HMCN1: variants seen among roughly 807,000 people sequenced by gnomAD.
The protein encoded by HMCN1 is hemicentin 1.
In HMCN1, 321 loss-of-function variants were observed where a neutral mutation model predicts 625.9. The observed-to-expected ratio is 0.51, with a 90% CI of 0.47 to 0.56. The LOEUF (loss-of-function observed/expected upper bound fraction) is 0.56. Ranked by LOEUF, HMCN1 falls within the 20% of genes least tolerant of loss-of-function variation. The pLI, the probability that HMCN1 is intolerant of heterozygous loss-of-function variation, is 0.00. For synonymous variants in HMCN1, 2,425 were observed against 2,417.6 expected, an observed-to-expected ratio of 1.00 and a Z score of -0.09; for missense variants, 6,588 against 6,887.3, an observed-to-expected ratio of 0.96 and a Z score of 1.54.
In HMCN1 at chr1:185,847,998, A is replaced by G. The variant is rs184911900; in HGVS notation, c.339+1902A>G. Among the ~76,000 whole-genome samples, 161 of 152,304 alleles carry G rather than the reference A, an allele frequency of 1.1e-3. 2 individuals are homozygous for G. Among genetic ancestry groups the G allele is most frequent in the African/African-American group, 3.7e-3 (155 of 41,566 alleles). ...AGTTTTCATTGTTTTTTAAATATGT[A>G]TGTTCAAGTCTCAAAAACATACAAA... On this transcript the variant is annotated intron_variant, in intron 2 of 106. Transcript: ENST00000271588.
At chr1:186,140,663 G>A (rs1649900413) in intron 89 of HMCN1, among the ~76,000 whole-genome samples, 1 of 152,074 alleles carries the variant, frequency 6.6e-6, no homozygotes, top group African/African-American at 2.4e-5. Context: ...ACTAGTTTTA[G>A]CATCCATTTC....
At chr1:185,938,755 G>A (rs1667941018) in intron 11 of HMCN1, among the ~76,000 whole-genome samples, 1 of 152,052 alleles carries the variant, frequency 6.6e-6, no homozygotes, top group African/African-American at 2.4e-5. Flanking sequence ...CAGCGGTCTA[G>A]CCATACCATT....
At chr1:185,952,473 C>G (rs1013579901) in intron 11 of HMCN1, among the ~76,000 whole-genome samples, 2 of 151,526 alleles carry the variant, frequency 1.3e-5, no homozygotes, top group Non-Finnish European at 2.9e-5. Flanking sequence ...AGATTTGGGA[C>G]GAGTTGCACT....
At chr1:186,054,785 G>A (rs1264622834) in intron 44 of HMCN1, among the ~76,000 whole-genome samples, 1 of 151,992 alleles carries the variant, frequency 6.6e-6, no homozygotes, top group Non-Finnish European at 1.5e-5. Flanking sequence ...TCTCAAGATG[G>A]TAGCTGTTAT....
At chr1:186,168,929 C>G (rs938751072) in intron 100 of HMCN1, among the ~76,000 whole-genome samples, 1 of 152,142 alleles carries the variant, frequency 6.6e-6, no homozygotes, top group Non-Finnish European at 1.5e-5. Context: ...CGCCCAATCC[C>G]TCAACAGGCC....
intron 57 of HMCN1, among the ~76,000 whole-genome samples, chr1:186,085,843 C>G (rs1659447159): frequency 6.6e-6 from 1 of 152,060 alleles, no homozygotes; most frequent in South Asian, 2.1e-4. Context: ...AAAATCTCCT[C>G]CTGTCTCTTT....
In HMCN1 at chr1:185,967,834, C is replaced by G. The variant is rs537095441; in HGVS notation, c.2212+1919C>G. Among the ~76,000 whole-genome samples, 10 of 152,158 alleles carry G rather than the reference C, an allele frequency of 6.6e-5. No individual in the cohort carries two copies. The South Asian group carries it at 2.1e-3, about 32-fold the overall frequency. ...AAGAATATCTTTTTCCTCATACCTT[C>G]CTTGAGGTGATTCTGATTGAATAAA... is the stretch of plus-strand genomic sequence containing the variant. On this transcript the variant is annotated intron_variant, in intron 14 of 106. Transcript: ENST00000271588.
Position 186,019,603 on chromosome 1 carries a change from G to A in HMCN1, c.5533G>A (p.Ala1845Thr), listed in dbSNP as rs770829339. ...AGTTGTGGTAAAATACAAGCCTGTC[G>A]CCTTGCAGTGCATAGCCAATGGGAT... is the stretch of plus-strand genomic sequence containing the variant. ...ERVVVKYKPVALQCIANGIPN... is the reference protein window; with the variant it reads ...ERVVVKYKPVTLQCIANGIPN... Residue 1845 changes from alanine to threonine, a missense_variant, in exon 35 of 107, where the codon GCC (alanine) becomes ACC (threonine). Coordinates refer to ENST00000271588, the MANE Select transcript of HMCN1 (RefSeq NM_031935.3). The A allele has an allele frequency of 3.2e-5, 51 of 1,609,916 alleles. No homozygotes were observed. The highest frequency in any genetic ancestry group is 5.4e-5 in the African/African-American group (4 of 74,728).
At chr1:186,143,656 T>G (rs1432612172) in intron 89 of HMCN1, among the ~76,000 whole-genome samples, 2 of 152,220 alleles carry the variant, frequency 1.3e-5, no homozygotes, top group African/African-American at 4.8e-5. Context: ...ATCATGTTGT[T>G]GAAAGATCCA....
At chr1:185,935,297 T>C (rs912267344) in intron 11 of HMCN1, among the ~76,000 whole-genome samples, 1 of 152,174 alleles carries the variant, frequency 6.6e-6, no homozygotes, top group African/African-American at 2.4e-5. Context: ...GAGTAAAGAA[T>C]TACCCAAGGA....
At chr1:185,837,662 C>T (rs899737142) in intron 1 of HMCN1, among the ~76,000 whole-genome samples, 10 of 151,726 alleles carry the variant, frequency 6.6e-5, no homozygotes, top group African/African-American at 2.4e-4. Context: ...CATGGTTTTT[C>T]TCTCTTCATT....
intron 3 of HMCN1, among the ~76,000 whole-genome samples, chr1:185,865,197 G>T (rs1203280781): frequency 6.6e-6 from 1 of 152,196 alleles, no homozygotes; most frequent in East Asian, 1.9e-4. Flanking sequence ...TTTGAGACCA[G>T]TAAGTTGGTT....
chr1:186,087,803 G>A, intron 60 of HMCN1, 129 bp from the exon 61 acceptor site: 3 of 1,137,480 alleles, frequency 2.6e-6, no homozygotes, highest in Non-Finnish European at 4.0e-6. Flanking sequence ...AAAATAGCAA[G>A]ATTGCAGAAG....
At chr1:186,170,300 A>AT (rs1652143746) in intron 100 of HMCN1, among the ~76,000 whole-genome samples, 1 of 152,160 alleles carries the variant, frequency 6.6e-6, no homozygotes, top group Non-Finnish European at 1.5e-5. Context: ...CTCTCCAGCA[A>AT]TTAATTCTAT....
At chr1:185,795,832 C>T (rs1466328970) in intron 1 of HMCN1, among the ~76,000 whole-genome samples, 1 of 152,166 alleles carries the variant, frequency 6.6e-6, no homozygotes, top group Non-Finnish European at 1.5e-5. Context: ...GTCTCTCTTG[C>T]TCACTCTTAT....
chr1:185,900,133 T>C (rs1173187156), intron 4 of HMCN1, among the ~76,000 whole-genome samples: 2 of 152,050 alleles, frequency 1.3e-5, no homozygotes, highest in Admixed American at 6.6e-5. Context: ...CCTTTTGGTA[T>C]GCTGATGAGT....
intron 97 of HMCN1, among the ~76,000 whole-genome samples, chr1:186,164,317 A>G (rs1051668866): frequency 6.8e-6 from 1 of 146,774 alleles, no homozygotes; most frequent in Non-Finnish European, 1.5e-5. Context: ...TCGGCTCACT[A>G]CAAGCTCCGC....
intron 4 of HMCN1, among the ~76,000 whole-genome samples, chr1:185,886,280 G>T (rs1664645649): frequency 6.6e-6 from 1 of 151,312 alleles, no homozygotes; most frequent in Admixed American, 6.6e-5. Context: ...AGAAAGAAAA[G>T]CCCAATTGTG....
At chr1:185,856,917 G>T (rs1662503332) in intron 2 of HMCN1, among the ~76,000 whole-genome samples, 1 of 152,128 alleles carries the variant, frequency 6.6e-6, no homozygotes, top group South Asian at 2.1e-4. Context: ...ATTTGATGTA[G>T]ATTTTCCCAT....
Sources: gnomAD v4.1 joint callset for allele counts (sites outside exome capture counted in the v4.1 genomes callset) on GRCh38, gnomAD v4.1.1 for gene constraint, MANE v1.5 for transcripts, NCBI Gene and HGNC (gene_info 2026-07-23, HGNC 2026-07-21) for gene names.